Variants in FAM83B observed in about 807,000 individuals in gnomAD.
The protein encoded by FAM83B is scaffolding CK1 anchoring protein B.
In FAM83B, 26 loss-of-function variants were observed where a neutral mutation model predicts 38.8. The observed-to-expected ratio is 0.67, with a 90% CI of 0.49 to 0.93. The LOEUF (loss-of-function observed/expected upper bound fraction) is 0.93, where lower values mean the gene tolerates loss of function less well. Among genes scored for constraint, FAM83B ranks in the 40% least tolerant of loss-of-function variants. The probability of loss-of-function intolerance (pLI) is 0.00; values close to 1 mark genes in which losing one functional copy is unlikely to be tolerated. For synonymous variants in FAM83B, 419 were observed against 423.1 expected, an observed-to-expected ratio of 0.99 and a Z score of 0.12; for missense variants, 1,237 against 1,197.3, an observed-to-expected ratio of 1.03 and a Z score of -0.49.
intron 2 of FAM83B, among the ~76,000 whole-genome samples, chr6:54,917,157 T>TCTCTCAATACTCTTTGA (rs1773062969): frequency 6.6e-6 from 1 of 152,202 alleles, no homozygotes; most frequent in Non-Finnish European, 1.5e-5. Flanking sequence ...CTCAATACTG[T>TCTCTCAATACTCTTTGA]GTACTCTTTG....
In FAM83B at chr6:54,891,369, CT is replaced by C. The variant is rs1772397831; in HGVS notation, c.444+20684del. 2.0e-5 allele frequency among the ~76,000 whole-genome samples: 3 copies of C among 152,172 alleles called. No individual in the cohort carries two copies. In the South Asian group the frequency reaches 6.2e-4, roughly 32 times the overall value. ...TACCATTGGTTTCTGTGTTATTTCT[CT>C]TTTTGTTCTTTCCCTGTCTCTTCAA... On this transcript the variant is annotated intron_variant, in intron 2 of 4. Transcript: ENST00000306858.
chr6:54,870,121 T>G (rs1418299687), intron 1 of FAM83B, 66 bp from the exon 2 acceptor site: 4 of 679,956 alleles, frequency 5.9e-6, no homozygotes, highest in Non-Finnish European at 1.0e-5. Context: ...ATAGTTGATA[T>G]GTATCATAAA....
At chr6:54,876,608 C>T (rs945743612) in intron 2 of FAM83B, among the ~76,000 whole-genome samples, 21 of 151,704 alleles carry the variant, frequency 1.4e-4, no homozygotes, top group Non-Finnish European at 2.1e-4. Flanking sequence ...CATGAGCCAC[C>T]GCACCCTGCT....
chr6:54,850,289 T>A (rs1771242438), intron 1 of FAM83B, among the ~76,000 whole-genome samples: 2 of 152,158 alleles, frequency 1.3e-5, no homozygotes, highest in Non-Finnish European at 2.9e-5. Flanking sequence ...GGCTTGCAGG[T>A]TTTTCACTGG....
chr6:54,914,730 T>C (rs1772996045), intron 2 of FAM83B, among the ~76,000 whole-genome samples: 1 of 152,202 alleles, frequency 6.6e-6, no homozygotes. Context: ...ACTGTTATTG[T>C]ATTTCTCTAA....
Position 54,941,522 on chromosome 6 carries a change from G to T in FAM83B, c.2551G>T (p.Val851Phe). Residue 851 changes from valine to phenylalanine, a missense_variant, in exon 5 of 5, where the codon GTT (valine) becomes TTT (phenylalanine). Val to Phe is a conservative substitution (Grantham distance 50). Transcript: ENST00000306858. ...SIHKSKEDVT[V>F]SPSQEINAPP... ...CCACAAGAGTAAGGAAGATGTAACA[G>T]TTAGCCCATCTCAAGAGATAAATGC... is the stretch of plus-strand genomic sequence containing the variant. The T allele has an allele frequency of 1.9e-6, 3 of 1,614,030 alleles. No individual in the cohort carries two copies. Among genetic ancestry groups the T allele is most frequent in the Non-Finnish European group, 2.5e-6 (3 of 1,179,990 alleles).
At chr6:54,935,710 G>A (rs1333776689) in intron 4 of FAM83B, among the ~76,000 whole-genome samples, 3 of 152,048 alleles carry the variant, frequency 2.0e-5, no homozygotes, top group Admixed American at 6.6e-5. Context: ...TCTGTTGATT[G>A]AAAAATGAGC....
At chr6:54,888,018 T>G (rs112419637) in intron 2 of FAM83B, among the ~76,000 whole-genome samples, 1,866 of 140,892 alleles carry the variant, frequency 0.013, 41 homozygotes, top group African/African-American at 0.046. Flanking sequence ...CCTTTTTTTG[T>G]TTTTTTTTTT....
intron 2 of FAM83B, among the ~76,000 whole-genome samples, chr6:54,886,817 T>C (rs1461892007): frequency 6.6e-6 from 1 of 152,068 alleles, no homozygotes; most frequent in Non-Finnish European, 1.5e-5. Context: ...TTTCAGTGTT[T>C]TAGTTTATAA....
In FAM83B at chr6:54,900,770, G is replaced by T. The variant is rs893394280; in HGVS notation, c.445-25601G>T. 5.3e-5 allele frequency among the ~76,000 whole-genome samples: 8 copies of T among 152,274 alleles called. No homozygotes were observed. In the East Asian group the frequency reaches 7.7e-4, roughly 15 times the overall value. On this transcript the variant is annotated intron_variant, in intron 2 of 4. Transcript: ENST00000306858. Reference sequence around the variant, plus strand: ...CTAAATGATGGTATGCCTCAAATAAGTTCCTTTAACAAGAAAGTGAGAAAT... The same window carrying T: ...CTAAATGATGGTATGCCTCAAATAATTTCCTTTAACAAGAAAGTGAGAAAT...
At chr6:54,926,624 A>G in intron 3 of FAM83B, 89 bp downstream of exon 3, 1 of 982,778 alleles carries the variant, frequency 1.0e-6, no homozygotes, top group Non-Finnish European at 1.4e-6. Context: ...AGATGAATAT[A>G]AAACTGAAAA....
intron 1 of FAM83B, among the ~76,000 whole-genome samples, chr6:54,868,838 T>C: frequency 6.6e-6 from 1 of 152,198 alleles, no homozygotes; most frequent in Non-Finnish European, 1.5e-5. Context: ...GGGCTTTCTG[T>C]ACTGTTAGAC....
chr6:54,865,567 A>G (rs949624176), intron 1 of FAM83B, among the ~76,000 whole-genome samples: 3 of 152,216 alleles, frequency 2.0e-5, no homozygotes, highest in East Asian at 1.9e-4. Flanking sequence ...GAAACAGCTT[A>G]AGAGAGAGAC....
chr6:54,872,215 A>G (rs1264889705), intron 2 of FAM83B, among the ~76,000 whole-genome samples: 1 of 152,226 alleles, frequency 6.6e-6, no homozygotes, highest in Non-Finnish European at 1.5e-5. Flanking sequence ...GGCTCACTGT[A>G]AGTGACCAAA....
chr6:54,865,605 A>G (rs2127574123), intron 1 of FAM83B, among the ~76,000 whole-genome samples: 1 of 152,210 alleles, frequency 6.6e-6, no homozygotes, highest in East Asian at 1.9e-4. Context: ...TGATGTTAGC[A>G]CCTGTGATAT....
chr6:54,934,597 G>A (rs1172160720), intron 4 of FAM83B, among the ~76,000 whole-genome samples: 1 of 152,116 alleles, frequency 6.6e-6, no homozygotes, highest in Non-Finnish European at 1.5e-5. Context: ...AGAGAGCTGA[G>A]GGTCTGATAA....
At chr6:54,933,235 T>C (rs989886098) in intron 4 of FAM83B, among the ~76,000 whole-genome samples, 4 of 152,080 alleles carry the variant, frequency 2.6e-5, no homozygotes, top group Non-Finnish European at 5.9e-5. Context: ...AAGTCTGCTG[T>C]TGAATCCTTC....
intron 1 of FAM83B, among the ~76,000 whole-genome samples, chr6:54,857,845 T>C (rs1581880737): frequency 6.6e-6 from 1 of 152,078 alleles, no homozygotes; most frequent in East Asian, 1.9e-4. Context: ...CAATGGGTAG[T>C]CGGGAAGACC....
In FAM83B at chr6:54,860,164, GC is replaced by G. The variant is rs1771543174; in HGVS notation, c.-60-10022del. ...TGTTAGCTACATAGCATAATAACAA[GC>G]TTTTCTGCATGTTATTAAAACCACT... On this transcript the variant is annotated intron_variant, in intron 1 of 4. Coordinates refer to ENST00000306858, the MANE Select transcript of FAM83B (RefSeq NM_001010872.3). Among the ~76,000 whole-genome samples the G allele has an allele frequency of 2.0e-5, 3 of 152,096 alleles. No homozygotes were observed. In the South Asian group the frequency reaches 6.2e-4, roughly 32 times the overall value.
Sources: gnomAD v4.1 joint callset for allele counts (sites outside exome capture counted in the v4.1 genomes callset) on GRCh38, gnomAD v4.1.1 for gene constraint, MANE v1.5 for transcripts, NCBI Gene and HGNC (gene_info 2026-07-23, HGNC 2026-07-21) for gene names.